Variants in GGCT observed in about 807,000 individuals in gnomAD.
GGCT encodes the protein gamma-glutamylcyclotransferase.
A neutral mutation model predicts 22.1 loss-of-function variants in GGCT; 20 were observed. That is an observed-to-expected ratio of 0.91 (90% confidence interval 0.64 to 1.32). The LOEUF is 1.32. Ranked by LOEUF, GGCT falls within the 40% of genes most tolerant of loss-of-function variation. The pLI, the probability that GGCT is intolerant of heterozygous loss-of-function variation, is 0.00. For missense variants in GGCT, 209 were observed against 223.5 expected (o/e 0.94, Z 0.41); for synonymous variants, 72 against 78.4 (o/e 0.92, Z 0.43).
At position 30,497,222 on chromosome 7, in the gene GGCT, C is replaced by T; in HGVS notation, c.437G>A (p.Gly146Asp). ...CAGCGGCAAACCATTTTCTTTTGCA[C>T]CCATGCAAATAATCTGGAAATGGTT... ...SPQYKKIICMGAKENGLPLEY... is the reference protein window; with the variant it reads ...SPQYKKIICMDAKENGLPLEY... The change falls in exon 4 of 4, where the codon GGT (glycine) becomes GAT (aspartate). Residue 146 changes from glycine (G) to aspartate (D), a missense_variant. By Grantham distance (94) the Gly-to-Asp change is moderately conservative. Coordinates refer to ENST00000275428, the MANE Select transcript of GGCT (RefSeq NM_024051.4). 6.2e-7 allele frequency: 1 copy of T among 1,603,296 alleles called. No individual in the cohort carries two copies. The highest frequency in any genetic ancestry group is 1.1e-5 in the South Asian group (1 of 88,656).
intron 2 of GGCT, among the ~76,000 whole-genome samples, chr7:30,499,299 C>T (rs1465321320): frequency 2.6e-5 from 4 of 151,518 alleles, no homozygotes; most frequent in Non-Finnish European, 5.9e-5. Flanking sequence ...CCCAGCTACT[C>T]AATAGGCTGA....
chr7:30,498,074 AAGAG>A (rs1789600921), intron 3 of GGCT, among the ~76,000 whole-genome samples: 1 of 145,992 alleles, frequency 6.8e-6, no homozygotes, highest in Non-Finnish European at 1.5e-5. Context: ...TATATATAGA[AAGAG>A]AAAGAGAGAG....
chr7:30,497,202 G>T lies in GGCT; in HGVS notation c.457C>A (p.Pro153Thr). 6.2e-7 allele frequency: 1 copy of T among 1,610,212 alleles called. No homozygotes were observed. Among genetic ancestry groups the T allele is most frequent in the Admixed American group, 1.7e-5 (1 of 59,508 alleles). ...TTTAACTTCTCTTGATACTCCAGCG[G>T]CAAACCATTTTCTTTTGCACCCATG... ...ICMGAKENGLPLEYQEKLKAI... is the reference protein window; with the variant it reads ...ICMGAKENGLTLEYQEKLKAI... The change falls in exon 4 of 4, where the codon CCG becomes ACG. Residue 153 changes from proline (P) to threonine (T), a missense_variant. By Grantham distance (38) the Pro-to-Thr change is conservative. Coordinates refer to ENST00000275428, the MANE Select transcript of GGCT (RefSeq NM_024051.4).
chr7:30,500,450 A>C, intron 2 of GGCT, 86 bp downstream of exon 2: 1 of 1,107,728 alleles, frequency 9.0e-7, no homozygotes, highest in Admixed American at 2.0e-5. Context: ...TGTGGTTTTG[A>C]AAAACTAACA....
chr7:30,498,216 AAGGG>A (rs1789605504), intron 3 of GGCT, among the ~76,000 whole-genome samples: 1 of 151,236 alleles, frequency 6.6e-6, no homozygotes, highest in Non-Finnish European at 1.5e-5. Flanking sequence ...GAAAAAAAGA[AAGGG>A]AGAAAATACA....
Position 30,500,564 on chromosome 7 carries a change from T to C in GGCT, c.259A>G (p.Asn87Asp), listed in dbSNP as rs762230734. Residue 87 changes from asparagine (N) to aspartate (D), a missense_variant, in exon 2 of 4, where the codon AAC becomes GAC. Asn to Asp is a conservative substitution (Grantham distance 23, BLOSUM62 1). Transcript: ENST00000275428. ...TCCAGAGAATTTAAATTGCTTTTGT[T>C]CATTTTCCATACTACTCCCCACACT... ...DEVWGVVWKMNKSNLNSLDEQ... is the reference protein window; with the variant it reads ...DEVWGVVWKMDKSNLNSLDEQ... 3 of 1,613,654 alleles carry C rather than the reference T, an allele frequency of 1.9e-6. No homozygotes were observed. The South Asian group carries it at 3.3e-5, about 18-fold the overall frequency.
chr7:30,503,779 T>G (rs1468500624), intron 1 of GGCT, among the ~76,000 whole-genome samples: 2 of 107,602 alleles, frequency 1.9e-5, no homozygotes, highest in Non-Finnish European at 3.7e-5. Context: ...TTTCAACACA[T>G]TCTTTTTTTT....
chr7:30,503,652 T>C (rs1789753489), intron 1 of GGCT, among the ~76,000 whole-genome samples: 1 of 152,136 alleles, frequency 6.6e-6, no homozygotes, highest in Non-Finnish European at 1.5e-5. Flanking sequence ...CTCCGTGGGC[T>C]GGTTCTGTTG....
In GGCT at chr7:30,496,941, T is replaced by G. The variant is rs777898201; in HGVS notation, c.*151A>C. The G allele has an allele frequency of 2.0e-6, 1 of 492,334 alleles. No individual in the cohort carries two copies. Among genetic ancestry groups the G allele is most frequent in the Non-Finnish European group, 3.5e-6 (1 of 284,990 alleles). 30.5% of individuals were successfully genotyped at this position (492,334 alleles called of 1,614,324 possible). On this transcript the variant is annotated 3_prime_UTR_variant, in exon 4 of 4. Transcript: ENST00000275428. ...CTCCTATCCCAGTTTCTTTTTATAG[T>G]CTAAAAACAAGGAATCACCCAAGTA... is the stretch of plus-strand genomic sequence containing the variant.
intron 2 of GGCT, among the ~76,000 whole-genome samples, chr7:30,499,795 T>C (rs1789656733): frequency 1.3e-5 from 2 of 152,006 alleles, no homozygotes; most frequent in South Asian, 2.1e-4. Context: ...CTAACATAAC[T>C]CTCTGTATTT....
At chr7:30,499,967 G>A (rs61602874) in intron 2 of GGCT, among the ~76,000 whole-genome samples, 2,884 of 152,074 alleles carry the variant, frequency 0.019, 89 homozygotes, top group African/African-American at 0.066. Context: ...CTTCACAAGT[G>A]AGGTAAAGTA....
rs2128123621 is a variant in GGCT at position 30,498,822 on chromosome 7, G to A, written c.404C>T (p.Pro135Leu). ...YLMTNYESAPPSPQYKKIICM... is the reference protein window; with the variant it reads ...YLMTNYESAPLSPQYKKIICM... ...GCTTACCTTTTTATACTGTGGGGAT[G>A]GGGGAGCACTTTCGTAATTTGTCAT... The change falls in exon 3 of 4, where the codon CCA (proline) becomes CTA (leucine). Residue 135 changes from proline to leucine, a missense_variant. Transcript: ENST00000275428. 6.2e-7 allele frequency: 1 copy of A among 1,612,914 alleles called. No homozygotes were observed. Among genetic ancestry groups the A allele is most frequent in the Non-Finnish European group, 8.5e-7 (1 of 1,178,890 alleles).
At position 30,499,050 on chromosome 7, in the gene GGCT, C is replaced by T. The variant is rs754807900; in HGVS notation, c.288-112G>A. ...GTGTATGGGATTAAACATTTAACTACATCTGAACATACTTGCTCCCTATGT... is the reference window on the plus strand; with the variant it reads ...GTGTATGGGATTAAACATTTAACTATATCTGAACATACTTGCTCCCTATGT... On this transcript the variant is annotated intron_variant, in intron 2 of 3. Coordinates refer to ENST00000275428, the MANE Select transcript of GGCT (RefSeq NM_024051.4). The T allele has an allele frequency of 8.1e-5, 72 of 892,652 alleles. No homozygotes were observed. The South Asian group carries it at 8.6e-4, about 11-fold the overall frequency. 55.3% of individuals were successfully genotyped at this position (892,652 alleles called of 1,614,324 possible).
At chr7:30,500,012 C>T (rs1310411550) in intron 2 of GGCT, among the ~76,000 whole-genome samples, 1 of 152,138 alleles carries the variant, frequency 6.6e-6, no homozygotes, top group Non-Finnish European at 1.5e-5. Flanking sequence ...TTCTCAAGGC[C>T]TACTCTTTTC....
At chr7:30,501,416 G>A (rs2391870) in intron 1 of GGCT, among the ~76,000 whole-genome samples, 71,690 of 152,022 alleles carry the variant, frequency 0.47, 20,527 homozygotes, top group Non-Finnish European at 0.63. Flanking sequence ...TATAATTATG[G>A]ACCATTCCGT....
intron 2 of GGCT, 200 bp from the exon 3 acceptor site, chr7:30,499,138 A>G (rs1789634113): frequency 1.4e-5 from 8 of 573,220 alleles, no homozygotes; most frequent in Non-Finnish European, 2.5e-5. Context: ...TAGGCTGGGT[A>G]CGGTGGCTCA....
intron 3 of GGCT, chr7:30,497,537 G>GAA (rs11423950): frequency 8.5e-4 from 314 of 367,922 alleles, no homozygotes; most frequent in Middle Eastern, 2.0e-3. Flanking sequence ...GACCTTTTAA[G>GAA]AAAAAAAATA....
At chr7:30,498,647 A>G (rs1562741295) in intron 3 of GGCT, among the ~76,000 whole-genome samples, 156 bp downstream of exon 3, 1 of 152,106 alleles carries the variant, frequency 6.6e-6, no homozygotes, top group Admixed American at 6.5e-5. Flanking sequence ...TCAAACTCCT[A>G]ACTTCAGGTG....
rs544797835 is a variant in GGCT at position 30,499,556 on chromosome 7, C to CA, written c.288-619dup. ...TTGTCTCTACTAAAAAAAAAACACA[C>CA]AAAAAATTAGTCCGACATGGTGGTG... is the stretch of plus-strand genomic sequence containing the variant. On this transcript the variant is annotated intron_variant, in intron 2 of 3. Coordinates refer to ENST00000275428, the MANE Select transcript of GGCT (RefSeq NM_024051.4). Among the ~76,000 whole-genome samples the CA allele has an allele frequency of 1.4e-4, 21 of 150,958 alleles. No homozygotes were observed. In the South Asian group the frequency reaches 1.7e-3, roughly 12 times the overall value.
Sources: allele counts gnomAD v4.1 joint callset (sites outside exome capture counted in the v4.1 genomes callset), GRCh38; gene constraint gnomAD v4.1.1; transcripts MANE v1.5; gene names NCBI Gene and HGNC (gene_info 2026-07-23, HGNC 2026-07-21).